NCAPG2: variants seen among roughly 807,000 people sequenced by gnomAD.
NCAPG2 encodes non-SMC condensin II complex subunit G2, also known as condensin-2 complex subunit G2.
A neutral mutation model predicts 141.1 loss-of-function variants in NCAPG2; 53 were observed. That is an observed-to-expected ratio of 0.38 (90% CI 0.30 to 0.47). The LOEUF (loss-of-function observed/expected upper bound fraction) is 0.47, where lower values mean the gene tolerates loss of function less well. Among genes scored for constraint, NCAPG2 ranks in the 20% least tolerant of loss-of-function variants. The pLI is 0.99. For missense variants in NCAPG2, 1,087 were observed against 1,389.0 expected, an observed-to-expected ratio of 0.78 and a Z score of 3.46; for synonymous variants, 499 against 490.7, an observed-to-expected ratio of 1.02 and a Z score of -0.22.
intron 7 of NCAPG2, among the ~76,000 whole-genome samples, 170 bp from the exon 8 acceptor site, chr7:158,686,411 C>T (rs1370985672): frequency 6.6e-6 from 1 of 152,226 alleles, no homozygotes; most frequent in Non-Finnish European, 1.5e-5. Flanking sequence ...AAGTAGAAAA[C>T]GGAGAAGGTT....
chr7:158,699,789 A>G (rs1835673479), intron 2 of NCAPG2, among the ~76,000 whole-genome samples: 1 of 152,182 alleles, frequency 6.6e-6, no homozygotes, highest in South Asian at 2.1e-4. Context: ...CATGCTTACT[A>G]TAGTATTTAT....
intron 12 of NCAPG2, among the ~76,000 whole-genome samples, chr7:158,674,718 C>T (rs1833949631): frequency 6.6e-6 from 1 of 152,220 alleles, no homozygotes; most frequent in African/African-American, 2.4e-5. Context: ...CTGTTTTGCA[C>T]CTGAGAGAAG....
intron 12 of NCAPG2, among the ~76,000 whole-genome samples, chr7:158,674,650 T>A (rs1291558884): frequency 6.6e-6 from 1 of 152,184 alleles, no homozygotes; most frequent in Admixed American, 6.5e-5. Context: ...GGGAGGAAGA[T>A]CCACAGAAGC....
At chr7:158,687,263 A>G (rs1305369129) in intron 7 of NCAPG2, 85 bp downstream of exon 7, 32 of 842,600 alleles carry the variant, frequency 3.8e-5, no homozygotes, top group Non-Finnish European at 5.6e-5. Flanking sequence ...CTAATCCATT[A>G]CTATAACTTA....
chr7:158,667,076 C>G, intron 13 of NCAPG2: 1 of 951,722 alleles, frequency 1.1e-6, no homozygotes, highest in Non-Finnish European at 1.3e-6. Context: ...GCCTCTTATA[C>G]TCATGTCATT....
At chr7:158,662,736 G>A (rs1832613586) in intron 15 of NCAPG2, among the ~76,000 whole-genome samples, 1 of 152,004 alleles carries the variant, frequency 6.6e-6, no homozygotes, top group African/African-American at 2.4e-5. Flanking sequence ...CACAAATCTC[G>A]ATGCAGGGGG....
At chr7:158,690,804 T>A (rs1835069436) in intron 4 of NCAPG2, 82 bp from the exon 5 acceptor site, 2 of 1,269,952 alleles carry the variant, frequency 1.6e-6, no homozygotes, top group Non-Finnish European at 2.2e-6. Context: ...TATCATGACT[T>A]TATATATTAT....
chr7:158,669,662 A>G (rs1312277547), intron 13 of NCAPG2, among the ~76,000 whole-genome samples: 1 of 149,800 alleles, frequency 6.7e-6, no homozygotes, highest in African/African-American at 2.5e-5. Context: ...CCAGCTACTC[A>G]GGAGGCTGAG....
At chr7:158,649,218 T>C (rs555984798) in intron 24 of NCAPG2, among the ~76,000 whole-genome samples, 7 of 151,530 alleles carry the variant, frequency 4.6e-5, no homozygotes, top group Admixed American at 2.0e-4. Flanking sequence ...GAAAAGAAAA[T>C]TGACAGAACA....
chr7:158,657,080 TTTA>T, intron 17 of NCAPG2, among the ~76,000 whole-genome samples: 1 of 152,304 alleles, frequency 6.6e-6, no homozygotes, highest in East Asian at 1.9e-4. Context: ...AAAAATAATT[TTTA>T]TTGAGATAAT....
At chr7:158,634,417 A>G (rs576760147) in intron 27 of NCAPG2, among the ~76,000 whole-genome samples, 2 of 152,294 alleles carry the variant, frequency 1.3e-5, no homozygotes, top group Non-Finnish European at 2.9e-5. Flanking sequence ...CTGTTATATT[A>G]TATTAGGGAA....
chr7:158,667,035 C>G (rs1411328745), intron 13 of NCAPG2: 1 of 746,764 alleles, frequency 1.3e-6, no homozygotes, highest in Non-Finnish European at 1.6e-6. Flanking sequence ...CTCCCGTCAG[C>G]TCCAACAGCT....
chr7:158,658,606 G>A (rs1832210118), intron 16 of NCAPG2, among the ~76,000 whole-genome samples, 198 bp from the exon 17 acceptor site: 1 of 152,188 alleles, frequency 6.6e-6, no homozygotes, highest in Admixed American at 6.5e-5. Flanking sequence ...GAGTGTTATG[G>A]AAGTTTTATA....
intron 6 of NCAPG2, among the ~76,000 whole-genome samples, chr7:158,688,575 G>A (rs559588686): frequency 2.6e-5 from 4 of 152,234 alleles, no homozygotes; most frequent in Non-Finnish European, 5.9e-5. Context: ...GACACAGCAA[G>A]GATGGCAAAG....
intron 27 of NCAPG2, among the ~76,000 whole-genome samples, chr7:158,637,894 A>G (rs1188256387): frequency 6.6e-6 from 1 of 152,148 alleles, no homozygotes; most frequent in South Asian, 2.1e-4. Context: ...CTGTAATCCC[A>G]GCACTTTGGG....
At position 158,689,920 on chromosome 7, in the gene NCAPG2, G is replaced by C. The variant is rs769255201; in HGVS notation, c.571C>G (p.Gln191Glu). ...ADVCRLWRIH[Q>E]ALYCFDYDLE... Reference sequence around the variant, plus strand: ...TCATAATCAAAGCAATATAAAGCTTGATGGATACGCCAAAGCCGACATACG... The same window carrying C: ...TCATAATCAAAGCAATATAAAGCTTCATGGATACGCCAAAGCCGACATACG... Residue 191 changes from glutamine (Q) to glutamate (E), a missense_variant, in exon 6 of 28, where the codon CAA (glutamine) becomes GAA (glutamate). Transcript: ENST00000356309. The C allele has an allele frequency of 2.5e-5, 40 of 1,602,548 alleles. No individual in the cohort carries two copies. The highest frequency in any genetic ancestry group is 3.3e-5 in the Non-Finnish European group (39 of 1,175,460).
chr7:158,704,487 T>C (rs1836039675), intron 1 of NCAPG2, among the ~76,000 whole-genome samples: 1 of 152,196 alleles, frequency 6.6e-6, no homozygotes, highest in Non-Finnish European at 1.5e-5. Flanking sequence ...GCTGGGATTT[T>C]CCTCCGACAC....
chr7:158,689,761 G>A, intron 6 of NCAPG2, 58 bp downstream of exon 6: 1 of 1,436,482 alleles, frequency 7.0e-7, no homozygotes, highest in African/African-American at 1.5e-5. Context: ...GTGAACACAG[G>A]AGAAACATCT....
At chr7:158,682,167 C>T (rs1219389331) in intron 9 of NCAPG2, among the ~76,000 whole-genome samples, 1 of 152,084 alleles carries the variant, frequency 6.6e-6, no homozygotes, top group Non-Finnish European at 1.5e-5. Flanking sequence ...GCAAAAATAA[C>T]ATATGAAAAC....
Sources: gnomAD v4.1 joint callset for allele counts (sites outside exome capture counted in the v4.1 genomes callset) on GRCh38, gnomAD v4.1.1 for gene constraint, MANE v1.5 for transcripts, NCBI Gene and HGNC (gene_info 2026-07-23, HGNC 2026-07-21) for gene names.